HS1BP3: variants seen among roughly 807,000 people sequenced by gnomAD.
HS1BP3 encodes HCLS1 binding protein 3, also known as HCLS1-binding protein 3.
In HS1BP3, 32 loss-of-function variants were observed where a neutral mutation model predicts 33.5. The observed-to-expected ratio is 0.95, with a 90% CI of 0.72 to 1.28. The LOEUF (loss-of-function observed/expected upper bound fraction) is 1.28. Among genes scored for constraint, HS1BP3 ranks in the 50% most tolerant of loss-of-function variants. The pLI is 0.00. For missense variants in HS1BP3, 486 were observed against 502.3 expected (o/e 0.97, Z 0.31); for synonymous variants, 187 against 209.2 (o/e 0.89, Z 0.92).
downstream of HS1BP3, among the ~76,000 whole-genome samples, chr2:20,614,736 T>C (rs1694386038): frequency 6.6e-6 from 1 of 152,246 alleles, no homozygotes; most frequent in Admixed American, 6.5e-5. Flanking sequence ...GCGGCTGCTA[T>C]GTGCTGAGTT....
intron 5 of HS1BP3, among the ~76,000 whole-genome samples, chr2:20,569,519 T>G (rs1224762438): frequency 6.6e-6 from 1 of 152,202 alleles, no homozygotes; most frequent in Non-Finnish European, 1.5e-5. Context: ...AGTCTAAGTA[T>G]TTCCCAGGCA....
At chr2:20,573,093 A>C (rs892489934) in intron 5 of HS1BP3, among the ~76,000 whole-genome samples, 3 of 152,212 alleles carry the variant, frequency 2.0e-5, no homozygotes, top group African/African-American at 7.2e-5. Context: ...TCCACCCAAA[A>C]GATATGTCCA....
chr2:20,625,012 AG>A, intron 4 of HS1BP3, 120 bp from the exon 5 acceptor site: 3 of 1,204,638 alleles, frequency 2.5e-6, no homozygotes, highest in Non-Finnish European at 3.6e-6. Context: ...GGGCCAGAAA[AG>A]ACCAGGCCAG....
intron 2 of HS1BP3, among the ~76,000 whole-genome samples, chr2:20,600,751 A>C (rs1694054377): frequency 6.6e-6 from 1 of 152,252 alleles, no homozygotes. Flanking sequence ...AATCTTTTAA[A>C]ATGTGAGTGG....
intron 2 of HS1BP3, among the ~76,000 whole-genome samples, chr2:20,603,870 G>A (rs141458027): frequency 6.6e-6 from 1 of 152,296 alleles, no homozygotes; most frequent in African/African-American, 2.4e-5. Flanking sequence ...CGGCTCAGCC[G>A]CTTCCCAGCT....
chr2:20,623,028 C>G (rs947320002), intron 6 of HS1BP3: 1 of 152,714 alleles, frequency 6.5e-6, no homozygotes, highest in Non-Finnish European at 1.5e-5. Context: ...GCCTGGCTTC[C>G]TCTGAATCCC....
intron 2 of HS1BP3, among the ~76,000 whole-genome samples, chr2:20,608,505 T>G (rs975559345): frequency 7.4e-6 from 1 of 134,990 alleles, no homozygotes; most frequent in Admixed American, 8.7e-5. Context: ...ACCCGGGAGG[T>G]GGAGTTTGCA....
At position 20,638,609 on chromosome 2, in the gene HS1BP3, G is replaced by C; in HGVS notation, c.450C>G (p.Ser150=). 1 of 1,614,162 alleles carries C rather than the reference G, an allele frequency of 6.2e-7. No individual in the cohort carries two copies. The highest frequency in any genetic ancestry group is 8.5e-7 in the Non-Finnish European group (1 of 1,179,998). The change falls in exon 4 of 7, where the codon TCC becomes TCG. Residue 150 remains serine, a synonymous_variant. Coordinates refer to ENST00000304031, the MANE Select transcript of HS1BP3 (RefSeq NM_022460.4). ...PGAAGLTSRD[S]SVLDGTDSQT... ...GACTGTCTGTGCCATCCAGGACAGAGGAATCTCTGCTGGTGAGCCCTGCAG... is the reference window on the plus strand; with the variant it reads ...GACTGTCTGTGCCATCCAGGACAGACGAATCTCTGCTGGTGAGCCCTGCAG...
intron 4 of HS1BP3, chr2:20,638,060 G>A (rs1386181958): frequency 1.5e-5 from 6 of 404,604 alleles, no homozygotes; most frequent in Non-Finnish European, 2.2e-5. Flanking sequence ...CCAGAGAGCC[G>A]CAGCCACCTC....
chr2:20,582,127 G>T (rs148658276), intron 5 of HS1BP3, among the ~76,000 whole-genome samples: 8 of 152,190 alleles, frequency 5.3e-5, no homozygotes, highest in African/African-American at 1.7e-4. Context: ...ATAAGTCACC[G>T]GTGCCCCCAC....
At chr2:20,619,371 A>G in intron 6 of HS1BP3, 126 bp from the exon 7 acceptor site, 1 of 805,194 alleles carries the variant, frequency 1.2e-6, no homozygotes, top group Non-Finnish European at 1.9e-6. Context: ...CGGCCAGGTC[A>G]AGGCCCCGCC....
intron 3 of HS1BP3, among the ~76,000 whole-genome samples, chr2:20,596,628 G>A (rs1227374008): frequency 6.6e-6 from 1 of 152,174 alleles, no homozygotes; most frequent in Non-Finnish European, 1.5e-5. Context: ...CCAGTCTATG[G>A]CAGTTTTTAT....
intron 2 of HS1BP3, among the ~76,000 whole-genome samples, chr2:20,608,555 C>T (rs751210549): frequency 9.6e-6 from 1 of 103,766 alleles, no homozygotes; most frequent in Admixed American, 1.4e-4. Flanking sequence ...GCCCGGGCAA[C>T]AAGAGCGAAA....
At chr2:20,643,460 A>G (rs1023496129) in intron 2 of HS1BP3, among the ~76,000 whole-genome samples, 4 of 152,216 alleles carry the variant, frequency 2.6e-5, no homozygotes, top group Non-Finnish European at 4.4e-5. Context: ...TCAAATTACC[A>G]GGAGCTGCAA....
chr2:20,646,626 T>C (rs1355407326), intron 1 of HS1BP3, among the ~76,000 whole-genome samples: 1 of 152,266 alleles, frequency 6.6e-6, no homozygotes, highest in Non-Finnish European at 1.5e-5. Flanking sequence ...GCAACCTGCC[T>C]TCAGGTGGTG....
chr2:20,630,350 C>T (rs1028224819), intron 4 of HS1BP3, among the ~76,000 whole-genome samples: 6 of 152,104 alleles, frequency 3.9e-5, no homozygotes, highest in Admixed American at 2.0e-4. Context: ...ACTGCAGCCT[C>T]GACCTCCTGG....
chr2:20,606,616 T>C (rs139714786), intron 2 of HS1BP3: 30 of 483,488 alleles, frequency 6.2e-5, no homozygotes, highest in African/African-American at 3.3e-4. Context: ...TGGCCAACTT[T>C]CCAGCGTCTT....
chr2:20,558,880 T>C (rs1319562664), downstream of HS1BP3, among the ~76,000 whole-genome samples: 1 of 152,102 alleles, frequency 6.6e-6, no homozygotes, highest in Non-Finnish European at 1.5e-5. Flanking sequence ...GGCTCACATC[T>C]CAGGGGCAGG....
chr2:20,615,416 C>T (rs922966575), downstream of HS1BP3, among the ~76,000 whole-genome samples: 6 of 152,272 alleles, frequency 3.9e-5, no homozygotes, highest in African/African-American at 7.2e-5. Context: ...GCTTCCCCAA[C>T]TGCAAGGCCT....
Sources: allele counts gnomAD v4.1 joint callset (sites outside exome capture counted in the v4.1 genomes callset), GRCh38; gene constraint gnomAD v4.1.1; transcripts MANE v1.5; gene names NCBI Gene and HGNC (gene_info 2026-07-23, HGNC 2026-07-21).